Variants in GRIA1 observed in about 807,000 individuals in gnomAD.
GRIA1 encodes the protein glutamate receptor 1.
In GRIA1, 31 loss-of-function variants were observed where a neutral mutation model predicts 99.2. That is an observed-to-expected ratio of 0.31 (90% CI 0.23 to 0.42). The LOEUF is 0.42. Ranked by LOEUF, GRIA1 falls within the 10% of genes least tolerant of loss-of-function variation. The pLI is 1.00. For synonymous variants in GRIA1, 438 were observed against 432.4 expected (o/e 1.01, Z -0.16); for missense variants, 782 against 1,157.5 (o/e 0.68, Z 4.71).
rs541896538 is a variant in GRIA1, at chr5:153,791,820, G to T, written c.2271-2801G>T. Among the ~76,000 whole-genome samples, 4 of 151,814 alleles carry T rather than the reference G, an allele frequency of 2.6e-5. No individual in the cohort carries two copies. The South Asian group carries it at 8.4e-4, about 32-fold the overall frequency. On this transcript the variant is annotated intron_variant, in intron 13 of 15. Coordinates refer to ENST00000285900, the MANE Select transcript of GRIA1 (RefSeq NM_000827.4). ...TCCTTTTCTGTTCTGTTCTAGATAG[G>T]TGAGTTTACCAAATAGCTGAGACAC...
chr5:153,572,530 T>C (rs1762199161), intron 2 of GRIA1, among the ~76,000 whole-genome samples: 2 of 152,192 alleles, frequency 1.3e-5, no homozygotes, highest in South Asian at 4.1e-4. Flanking sequence ...CTGGGAAGAA[T>C]GCCACAATTG....
intron 2 of GRIA1, among the ~76,000 whole-genome samples, chr5:153,599,886 T>C (rs1375009617): frequency 6.6e-6 from 1 of 151,868 alleles, no homozygotes; most frequent in Admixed American, 6.6e-5. Flanking sequence ...AAAAGAAAAA[T>C]GTGCCTGAGA....
chr5:153,554,526 C>T (rs1434936092), intron 2 of GRIA1, among the ~76,000 whole-genome samples: 1 of 152,150 alleles, frequency 6.6e-6, no homozygotes, highest in African/African-American at 2.4e-5. Context: ...TGGAGTTTTA[C>T]TCTGTTGCCC....
At chr5:153,736,670 T>C (rs1761400982) in intron 11 of GRIA1, among the ~76,000 whole-genome samples, 1 of 152,256 alleles carries the variant, frequency 6.6e-6, no homozygotes, top group South Asian at 2.1e-4. Context: ...AGAGATGATC[T>C]GATCCTGAAT....
At chr5:153,510,032 C>T (rs1203368542) in intron 2 of GRIA1, among the ~76,000 whole-genome samples, 1 of 152,128 alleles carries the variant, frequency 6.6e-6, no homozygotes, top group Non-Finnish European at 1.5e-5. Flanking sequence ...AACAACAAAA[C>T]CCCAAAATAG....
chr5:153,653,888 G>C (rs1036321854), intron 4 of GRIA1, among the ~76,000 whole-genome samples: 16 of 152,172 alleles, frequency 1.1e-4, no homozygotes, highest in African/African-American at 3.9e-4. Flanking sequence ...AGCCATTAAG[G>C]ATACGAACAA....
chr5:153,491,056 G>T (rs1753868665), intron 1 of GRIA1, 86 bp downstream of exon 1: 2 of 1,275,122 alleles, frequency 1.6e-6, no homozygotes, highest in African/African-American at 1.5e-5. Flanking sequence ...CCCCTCCCCG[G>T]TACTGACTGT....
chr5:153,674,401 T>A, intron 5 of GRIA1, 99 bp from the exon 6 acceptor site: 1 of 1,314,854 alleles, frequency 7.6e-7, no homozygotes. Flanking sequence ...GTAGGTTTCA[T>A]CTGGTGGAAC....
At chr5:153,707,044 G>A (rs1214190058) in intron 11 of GRIA1, among the ~76,000 whole-genome samples, 7 of 152,072 alleles carry the variant, frequency 4.6e-5, no homozygotes, top group East Asian at 1.9e-4. Flanking sequence ...ACTTGAACCC[G>A]GGAGGCAGAG....
chr5:153,635,344 G>A (rs148490891), intron 2 of GRIA1, among the ~76,000 whole-genome samples: 3 of 152,320 alleles, frequency 2.0e-5, no homozygotes, highest in South Asian at 4.1e-4. Context: ...GGATTGCGGA[G>A]ATGACTGGGC....
At chr5:153,628,715 C>CT (rs1414128632) in intron 2 of GRIA1, among the ~76,000 whole-genome samples, 1 of 152,084 alleles carries the variant, frequency 6.6e-6, no homozygotes, top group Non-Finnish European at 1.5e-5. Flanking sequence ...CATAGTCTTG[C>CT]TTTTTTGTTT....
chr5:153,619,888 C>T (rs1490873961), intron 2 of GRIA1, among the ~76,000 whole-genome samples: 1 of 152,120 alleles, frequency 6.6e-6, no homozygotes, highest in Non-Finnish European at 1.5e-5. Flanking sequence ...TACTGTGTGA[C>T]CTTGAGGACA....
intron 10 of GRIA1, among the ~76,000 whole-genome samples, chr5:153,702,218 T>A (rs762296486): frequency 1.3e-5 from 2 of 152,364 alleles, no homozygotes; most frequent in Non-Finnish European, 2.9e-5. Context: ...CATTTGCAGA[T>A]GCCATATGCT....
At chr5:153,580,750 A>G (rs1295803533) in intron 2 of GRIA1, among the ~76,000 whole-genome samples, 1 of 152,152 alleles carries the variant, frequency 6.6e-6, no homozygotes, top group Non-Finnish European at 1.5e-5. Flanking sequence ...GCAACATCTC[A>G]TTAGAAGCTG....
chr5:153,638,171 C>G (rs544692334), intron 2 of GRIA1, among the ~76,000 whole-genome samples: 14 of 152,038 alleles, frequency 9.2e-5, no homozygotes, highest in Admixed American at 2.6e-4. Flanking sequence ...TTATGGGAAC[C>G]CTTCAAAGGG....
At chr5:153,720,224 C>T (rs1759957610) in intron 11 of GRIA1, among the ~76,000 whole-genome samples, 1 of 152,144 alleles carries the variant, frequency 6.6e-6, no homozygotes, top group Non-Finnish European at 1.5e-5. Flanking sequence ...TTGGATGAAG[C>T]ATTTTTATTG....
Position 153,809,326 on chromosome 5 carries a change from A to G in GRIA1, c.2521-1699A>G, listed in dbSNP as rs776500870. Among the ~76,000 whole-genome samples the G allele has an allele frequency of 5.9e-5, 9 of 152,314 alleles. No individual in the cohort carries two copies. In the South Asian group the frequency reaches 6.2e-4, roughly 11 times the overall value. ...CAATCCAGGTCACACTTTTTCTTCA[A>G]TGGAAGACAGCCAAGGGAGAATGTA... On this transcript the variant is annotated intron_variant, in intron 15 of 15. Coordinates refer to ENST00000285900, the MANE Select transcript of GRIA1 (RefSeq NM_000827.4).
intron 2 of GRIA1, among the ~76,000 whole-genome samples, chr5:153,596,748 T>C (rs1378518225): frequency 6.6e-6 from 1 of 152,344 alleles, no homozygotes; most frequent in Admixed American, 6.5e-5. Context: ...TGAAATGTAA[T>C]ATCTCAGCCT....
intron 11 of GRIA1, among the ~76,000 whole-genome samples, chr5:153,735,455 G>A (rs1017768107): frequency 2.6e-5 from 4 of 152,142 alleles, no homozygotes; most frequent in Non-Finnish European, 5.9e-5. Context: ...AACAGAATAG[G>A]ACAGGGATCT....
Sources: gnomAD v4.1 joint callset for allele counts (sites outside exome capture counted in the v4.1 genomes callset) on GRCh38, gnomAD v4.1.1 for gene constraint, MANE v1.5 for transcripts, NCBI Gene and HGNC (gene_info 2026-07-23, HGNC 2026-07-21) for gene names.